The following IGSF21 variants were observed in gnomAD, a reference collection of about 807,000 sequenced individuals.
IGSF21 encodes the protein immunoglobulin superfamily member 21.
A neutral mutation model predicts 46.8 loss-of-function variants in IGSF21; 28 were observed. The ratio of observed to expected loss-of-function variants is 0.60; its 90% confidence interval spans 0.44 to 0.82. IGSF21 has a LOEUF of 0.82. Among genes scored for constraint, IGSF21 ranks in the 40% least tolerant of loss-of-function variants. The pLI is 0.00. For missense variants in IGSF21, 624 were observed against 665.5 expected (o/e 0.94, Z 0.69); for synonymous variants, 284 against 273.6 (o/e 1.04, Z -0.38).
chr1:18,284,049 A>G (rs1373918701), intron 2 of IGSF21, among the ~76,000 whole-genome samples: 3 of 152,126 alleles, frequency 2.0e-5, no homozygotes, highest in Non-Finnish European at 4.4e-5. Flanking sequence ...TTTAGAAGAG[A>G]TGAGTCAGTT....
intron 1 of IGSF21, among the ~76,000 whole-genome samples, chr1:18,158,030 C>G (rs2086583676): frequency 6.6e-6 from 1 of 152,250 alleles, no homozygotes; most frequent in East Asian, 1.9e-4. Flanking sequence ...GTATAGGGTC[C>G]CTGGGGACAC....
intron 1 of IGSF21, among the ~76,000 whole-genome samples, chr1:18,180,881 A>T (rs1201925077): frequency 6.6e-6 from 1 of 152,232 alleles, no homozygotes; most frequent in African/African-American, 2.4e-5. Flanking sequence ...GTATTGTGGT[A>T]AGAGGCGGAT....
rs149210237 is a variant in IGSF21, at chr1:18,283,421, G to A, written c.184-8445G>A. Among the ~76,000 whole-genome samples, 10 of 152,292 alleles carry A rather than the reference G, an allele frequency of 6.6e-5. No individual in the cohort carries two copies. The South Asian group carries it at 1.2e-3, about 19-fold the overall frequency. The stretch of plus-strand genomic sequence containing the variant: ...CTCTTCCCCCAGGCCCCCTTGGGGA[G>A]GACAGAGCCTGCCCTACCCTCTCTG... On this transcript the variant is annotated intron_variant, in intron 2 of 9. Coordinates refer to ENST00000251296, the MANE Select transcript of IGSF21 (RefSeq NM_032880.5).
intron 1 of IGSF21, among the ~76,000 whole-genome samples, chr1:18,187,323 A>T (rs761423254): frequency 1.3e-5 from 2 of 152,168 alleles, no homozygotes; most frequent in Non-Finnish European, 2.9e-5. Context: ...GGCCTGTATT[A>T]GTCCGTTTTC....
intron 2 of IGSF21, among the ~76,000 whole-genome samples, chr1:18,262,005 T>A (rs2084951370): frequency 1.3e-5 from 2 of 152,160 alleles, no homozygotes; most frequent in Non-Finnish European, 2.9e-5. Context: ...AAATCTCCAA[T>A]GTGTGTAAGA....
At chr1:18,370,705 A>G (rs2086215918) in intron 6 of IGSF21, among the ~76,000 whole-genome samples, 1 of 152,228 alleles carries the variant, frequency 6.6e-6, no homozygotes, top group South Asian at 2.1e-4. Context: ...CTCAATACAT[A>G]TATCTGACAA....
At chr1:18,151,786 G>A (rs539056503) in intron 1 of IGSF21, among the ~76,000 whole-genome samples, 1 of 152,270 alleles carries the variant, frequency 6.6e-6, no homozygotes, top group East Asian at 1.9e-4. Context: ...GGTGAAAACT[G>A]ACAGTTTCTG....
At chr1:18,188,232 C>A (rs527931299) in intron 1 of IGSF21, among the ~76,000 whole-genome samples, 1 of 152,252 alleles carries the variant, frequency 6.6e-6, no homozygotes, top group Admixed American at 6.5e-5. Flanking sequence ...CTCCGATCTC[C>A]CAGCCATGAA....
At chr1:18,228,632 C>A (rs1179808690) in intron 2 of IGSF21, among the ~76,000 whole-genome samples, 1 of 152,142 alleles carries the variant, frequency 6.6e-6, no homozygotes, top group African/African-American at 2.4e-5. Context: ...GATGGGGCAT[C>A]CCAGTCTTCT....
intron 1 of IGSF21, among the ~76,000 whole-genome samples, chr1:18,195,683 C>T (rs1473586117): frequency 6.6e-6 from 1 of 152,222 alleles, no homozygotes; most frequent in African/African-American, 2.4e-5. Flanking sequence ...CCTGCATTCC[C>T]TGCACCTAAC....
chr1:18,189,219 A>T (rs1428817357), intron 1 of IGSF21, among the ~76,000 whole-genome samples: 5 of 152,230 alleles, frequency 3.3e-5, no homozygotes, highest in African/African-American at 9.6e-5. Context: ...CCTTCTTGCT[A>T]TGTAGTTCTC....
chr1:18,219,049 A>G (rs2084481097), intron 1 of IGSF21, among the ~76,000 whole-genome samples: 2 of 152,252 alleles, frequency 1.3e-5, no homozygotes, highest in South Asian at 4.1e-4. Flanking sequence ...ACAGAGAAAA[A>G]AGTATTGAAA....
Position 18,303,605 on chromosome 1 carries a change from C to T in IGSF21, c.305+11618C>T, listed in dbSNP as rs547821693. 1.1e-4 allele frequency among the ~76,000 whole-genome samples: 17 copies of T among 152,316 alleles called. No homozygotes were observed. The South Asian group carries it at 3.5e-3, about 32-fold the overall frequency. On this transcript the variant is annotated intron_variant, in intron 3 of 9. Coordinates refer to ENST00000251296, the MANE Select transcript of IGSF21 (RefSeq NM_032880.5). ...GGGAAGTTAGTTCCGATGTTGAATGCACTTTGGCATGTTTCAAGCACCTCA... is the reference window on the plus strand; with the variant it reads ...GGGAAGTTAGTTCCGATGTTGAATGTACTTTGGCATGTTTCAAGCACCTCA...
chr1:18,126,767 G>A (rs1363396315), intron 1 of IGSF21, among the ~76,000 whole-genome samples: 4 of 152,078 alleles, frequency 2.6e-5, no homozygotes, highest in African/African-American at 7.2e-5. Context: ...GCTGGCTTCC[G>A]CTGGCACAGC....
chr1:18,160,637 A>C (rs2124442723), intron 1 of IGSF21, among the ~76,000 whole-genome samples: 1 of 152,198 alleles, frequency 6.6e-6, no homozygotes, highest in South Asian at 2.1e-4. Context: ...GGGCACTCAG[A>C]GCGTGCTCAT....
At chr1:18,319,984 A>G (rs996167571) in intron 3 of IGSF21, among the ~76,000 whole-genome samples, 1 of 152,220 alleles carries the variant, frequency 6.6e-6, no homozygotes, top group African/African-American at 2.4e-5. Context: ...AGCACCTAGG[A>G]TAGACCCTGG....
chr1:18,376,174 A>C, intron 6 of IGSF21, 136 bp from the exon 7 acceptor site: 3 of 726,436 alleles, frequency 4.1e-6, no homozygotes, highest in Non-Finnish European at 7.7e-6. Flanking sequence ...TGAGTGAATG[A>C]ATGAATGAGC....
At chr1:18,268,937 T>C (rs2085016304) in intron 2 of IGSF21, among the ~76,000 whole-genome samples, 2 of 152,220 alleles carry the variant, frequency 1.3e-5, no homozygotes. Flanking sequence ...CTCTTGATGA[T>C]AGCTCCCAGG....
chr1:18,366,001 T>A (rs1328513250), intron 6 of IGSF21, among the ~76,000 whole-genome samples: 1 of 151,078 alleles, frequency 6.6e-6, no homozygotes, highest in East Asian at 2.0e-4. Context: ...TCAGAGGAGT[T>A]CCTGGATTAG....
Sources: allele counts gnomAD v4.1 joint callset (sites outside exome capture counted in the v4.1 genomes callset), GRCh38; gene constraint gnomAD v4.1.1; transcripts MANE v1.5; gene names NCBI Gene and HGNC (gene_info 2026-07-23, HGNC 2026-07-21).